The following ROR1 variants were observed in gnomAD, a reference collection of about 807,000 sequenced individuals.
ROR1 encodes the protein ROR family WNT receptor 1.
In ROR1, 19 loss-of-function variants were observed where a neutral mutation model predicts 78.8. The ratio of observed to expected loss-of-function variants is 0.24; its 90% CI spans 0.17 to 0.35. The LOEUF (loss-of-function observed/expected upper bound fraction) is 0.35, where lower values mean the gene tolerates loss of function less well. ROR1 is among the 10% of genes least tolerant of loss of function. The pLI, the probability that ROR1 is intolerant of heterozygous loss-of-function variation, is 1.00. For missense variants in ROR1, 917 were observed against 1,177.8 expected, an observed-to-expected ratio of 0.78 and a Z score of 3.24; for synonymous variants, 386 against 433.6, an observed-to-expected ratio of 0.89 and a Z score of 1.36.
chr1:63,957,725 C>T (rs767568522), intron 1 of ROR1, among the ~76,000 whole-genome samples: 7 of 151,636 alleles, frequency 4.6e-5, no homozygotes, highest in Admixed American at 3.9e-4. Flanking sequence ...AATTGATAAC[C>T]CTTTTTTTGT....
intron 7 of ROR1, among the ~76,000 whole-genome samples, chr1:64,144,261 T>C (rs1649417075): frequency 6.6e-6 from 1 of 152,148 alleles, no homozygotes; most frequent in African/African-American, 2.4e-5. Context: ...TTGTTCATGC[T>C]GAGTTTGAGA....
In ROR1 at chr1:63,949,762, A is replaced by G. The variant is rs571465622; in HGVS notation, c.92-59543A>G. Among the ~76,000 whole-genome samples, 4 of 152,210 alleles carry G rather than the reference A, an allele frequency of 2.6e-5. No individual in the cohort carries two copies. In the South Asian group the frequency reaches 8.3e-4, roughly 32 times the overall value. ...TTTCAGACATGCTTAAGTTTCTCAA[A>G]GGGGGTAGCCCGGGAACTTGAGACT... On this transcript the variant is annotated intron_variant, in intron 1 of 8. Coordinates refer to ENST00000371079, the MANE Select transcript of ROR1 (RefSeq NM_005012.4).
chr1:64,116,091 T>C (rs1308939857), intron 4 of ROR1, among the ~76,000 whole-genome samples: 1 of 152,174 alleles, frequency 6.6e-6, no homozygotes, highest in Admixed American at 6.5e-5. Flanking sequence ...TTACAATGTG[T>C]TGAAACAAAT....
chr1:63,788,152 A>C (rs1644703562), intron 1 of ROR1, among the ~76,000 whole-genome samples: 1 of 152,218 alleles, frequency 6.6e-6, no homozygotes, highest in South Asian at 2.1e-4. Flanking sequence ...CCTACAATGC[A>C]CACAGCCTCA....
At chr1:63,987,452 C>T (rs970939042) in intron 1 of ROR1, among the ~76,000 whole-genome samples, 6 of 152,140 alleles carry the variant, frequency 3.9e-5, no homozygotes, top group African/African-American at 1.4e-4. Flanking sequence ...AGCTTATCTT[C>T]ACTGTACTGT....
chr1:64,075,514 A>G (rs1647042078), intron 4 of ROR1, among the ~76,000 whole-genome samples: 1 of 152,186 alleles, frequency 6.6e-6, no homozygotes, highest in Admixed American at 6.5e-5. Context: ...AGCATCTGAC[A>G]CATAATACAC....
At chr1:63,820,974 G>A (rs1644919889) in intron 1 of ROR1, among the ~76,000 whole-genome samples, 2 of 152,124 alleles carry the variant, frequency 1.3e-5, no homozygotes, top group South Asian at 4.1e-4. Context: ...CTCTGTTACA[G>A]GCTTCTCTTG....
In ROR1 at chr1:63,774,499, G is replaced by A. The variant is rs908246474; in HGVS notation, c.82G>A (p.Ala28Thr). 5 of 1,140,772 alleles carry A rather than the reference G, an allele frequency of 4.4e-6. No individual in the cohort carries two copies. In the African/African-American group the frequency reaches 6.6e-5, roughly 15 times the overall value. 70.7% of individuals were successfully genotyped at this position (1,140,772 alleles called of 1,614,324 possible). The change falls in exon 1 of 9, where the codon GCT (alanine) becomes ACT (threonine). Residue 28 changes from alanine to threonine, a missense_variant. Ala to Thr is a moderately conservative substitution (Grantham distance 58, BLOSUM62 0). Transcript: ENST00000371079. This position sits in a 1 kb window ranked among gnomAD's most constrained non-coding sequence, Gnocchi z 5.7. ...GCTGCTGCTGGCCGCACGCGGGGCT[G>A]CTGCCCAAGGTAAGAGGCGCCCGCC... ...AALLLAARGA[A>T]AQETELSVSA...
intron 1 of ROR1, among the ~76,000 whole-genome samples, chr1:63,866,741 G>A (rs751810870): frequency 1.3e-5 from 2 of 152,236 alleles, no homozygotes; most frequent in Non-Finnish European, 2.9e-5. Context: ...GGCTGGAAAC[G>A]ATTTTATTAA....
chr1:63,928,508 C>A (rs1160909836), intron 1 of ROR1, among the ~76,000 whole-genome samples: 1 of 152,190 alleles, frequency 6.6e-6, no homozygotes, highest in African/African-American at 2.4e-5. Context: ...GTAAGAGGAG[C>A]AGATATGCCC....
intron 1 of ROR1, among the ~76,000 whole-genome samples, chr1:63,775,648 T>A (rs1016945240): frequency 6.6e-6 from 1 of 152,232 alleles, no homozygotes; most frequent in Non-Finnish European, 1.5e-5. Flanking sequence ...GAAAAAGATG[T>A]ATTCACTACA....
intron 4 of ROR1, among the ~76,000 whole-genome samples, chr1:64,134,535 G>A (rs1389483277): frequency 6.6e-6 from 1 of 152,044 alleles, no homozygotes; most frequent in East Asian, 1.9e-4. Context: ...TTTGAAGAAA[G>A]CACCTAACAC....
chr1:63,955,437 C>A (rs1645973346), intron 1 of ROR1, among the ~76,000 whole-genome samples: 1 of 152,050 alleles, frequency 6.6e-6, no homozygotes, highest in Non-Finnish European at 1.5e-5. Flanking sequence ...TCAAAGGGGG[C>A]AGATTCTTTG....
Position 63,816,250 on chromosome 1 carries a change from T to C in ROR1, c.91+41742T>C, listed in dbSNP as rs113957014. 4.6e-3 allele frequency among the ~76,000 whole-genome samples: 706 copies of C among 152,252 alleles called. 3 individuals carry two copies. The highest frequency in any genetic ancestry group is 0.016 in the African/African-American group (676 of 41,544). On this transcript the variant is annotated intron_variant, in intron 1 of 8. Transcript: ENST00000371079. ...TGTGGTCTGAGGAGAGTGATTGATA[T>C]GGTTTGGCTCTGTGTCCCCACCCAA...
At chr1:64,135,671 G>T (rs1024494095) in intron 4 of ROR1, among the ~76,000 whole-genome samples, 1 of 152,080 alleles carries the variant, frequency 6.6e-6, no homozygotes, top group Admixed American at 6.6e-5. Context: ...AGCCAAAAAG[G>T]CTTCAGCATT....
At chr1:63,848,865 T>C (rs1444707384) in intron 1 of ROR1, among the ~76,000 whole-genome samples, 1 of 152,218 alleles carries the variant, frequency 6.6e-6, no homozygotes, top group Non-Finnish European at 1.5e-5. Flanking sequence ...CAGAATGATT[T>C]AGAATCTTAA....
intron 8 of ROR1, among the ~76,000 whole-genome samples, chr1:64,168,041 A>G (rs187338555): frequency 1.3e-5 from 2 of 152,354 alleles, no homozygotes; most frequent in Admixed American, 6.5e-5. Context: ...AGGCTACTTA[A>G]CCACTGAATG....
intron 4 of ROR1, among the ~76,000 whole-genome samples, chr1:64,054,458 A>G (rs1055798488): frequency 6.6e-6 from 1 of 152,220 alleles, no homozygotes; most frequent in African/African-American, 2.4e-5. Flanking sequence ...CTTACACTGT[A>G]AAACTAATTT....
chr1:64,006,809 G>A (rs1557605548), intron 1 of ROR1, among the ~76,000 whole-genome samples: 1 of 152,156 alleles, frequency 6.6e-6, no homozygotes, highest in Non-Finnish European at 1.5e-5. Flanking sequence ...GGTAAGCCAA[G>A]GAGGTCTGCA....
Sources: gnomAD v4.1 joint callset for allele counts (sites outside exome capture counted in the v4.1 genomes callset) on GRCh38, gnomAD v4.1.1 for gene constraint, Gnocchi (gnomAD v3.1) non-coding constraint, MANE v1.5 for transcripts, NCBI Gene and HGNC (gene_info 2026-07-23, HGNC 2026-07-21) for gene names.